DIAPH2: variants seen among roughly 807,000 people sequenced by gnomAD.
The protein encoded by DIAPH2 is protein diaphanous homolog 2.
DIAPH2 carries 35 observed loss-of-function variants against 92.7 expected under a neutral mutation model. That is an observed-to-expected ratio of 0.38 (90% CI 0.29 to 0.50). The LOEUF is 0.50. Among genes scored for constraint, DIAPH2 ranks in the 20% least tolerant of loss-of-function variants. The pLI, the probability that DIAPH2 is intolerant of heterozygous loss-of-function variation, is 0.94. For synonymous variants in DIAPH2, 301 were observed against 280.4 expected, an observed-to-expected ratio of 1.07 and a Z score of -0.73; for missense variants, 701 against 819.5, an observed-to-expected ratio of 0.86 and a Z score of 1.77.
intron 26 of DIAPH2, among the ~76,000 whole-genome samples, chrX:97,438,544 T>G (rs1255831630): frequency 9.3e-6 from 1 of 107,636 alleles, no homozygotes; most frequent in African/African-American, 3.4e-5. Context: ...TTTACTTATT[T>G]ATTTATTTTT....
At chrX:97,477,512 G>T (rs1042932178) in intron 26 of DIAPH2, among the ~76,000 whole-genome samples, 1 of 111,400 alleles carries the variant, frequency 9.0e-6, no homozygotes, top group Non-Finnish European at 1.9e-5. Flanking sequence ...GGCTGAGGCA[G>T]GAGAATGGCT....
chrX:96,922,246 A>G (rs906448932), intron 9 of DIAPH2, among the ~76,000 whole-genome samples: 3 of 111,140 alleles, frequency 2.7e-5, no homozygotes, highest in Admixed American at 1.9e-4. Context: ...AACTCCTTTT[A>G]TATTAAAACT....
At chrX:97,206,025 G>T (rs1281064100) in intron 22 of DIAPH2, among the ~76,000 whole-genome samples, 1 of 111,284 alleles carries the variant, frequency 9.0e-6, no homozygotes, top group African/African-American at 3.3e-5. Context: ...GAAGCTGTAA[G>T]CCATCATTCT....
At chrX:97,249,980 T>A (rs953853783) in intron 23 of DIAPH2, among the ~76,000 whole-genome samples, 1 of 110,227 alleles carries the variant, frequency 9.1e-6, no homozygotes, top group Admixed American at 9.7e-5. Context: ...GCCTGTAATC[T>A]CAGCTACTCG....
intron 22 of DIAPH2, among the ~76,000 whole-genome samples, chrX:97,146,063 T>C (rs1265390144): frequency 2.0e-5 from 2 of 102,486 alleles, no homozygotes; most frequent in South Asian, 4.8e-4. Context: ...ATACTTTTTG[T>C]ATTAGTCTGC....
At position 96,934,689 on chromosome X, in the gene DIAPH2, G is replaced by A. The variant is rs187147972; in HGVS notation, c.1090-2544G>A. ...GTATTTCATTTATATGGAATTTCAC[G>A]TCTGATAAATTTGCTTTAGTAATTT... On this transcript the variant is annotated intron_variant, in intron 10 of 26. Transcript: ENST00000324765. 7.7e-3 allele frequency among the ~76,000 whole-genome samples: 858 copies of A among 111,242 alleles called. 9 individuals are homozygous for A. The highest frequency in any genetic ancestry group is 0.027 in the African/African-American group (823 of 30,727).
intron 26 of DIAPH2, among the ~76,000 whole-genome samples, chrX:97,517,198 A>G (rs2070955461): frequency 8.9e-6 from 1 of 111,936 alleles, no homozygotes; most frequent in African/African-American, 3.2e-5. Flanking sequence ...TCACAGTAAC[A>G]TGGAAGAAAT....
At chrX:96,884,401 A>C in intron 5 of DIAPH2, 4 of 1,209,450 alleles carry the variant, frequency 3.3e-6, no homozygotes, top group East Asian at 3.0e-5. Flanking sequence ...GAGAGATGCA[A>C]CTCCTGCTAT....
chrX:97,099,090 C>A (rs1031711270), intron 19 of DIAPH2, among the ~76,000 whole-genome samples: 7 of 111,553 alleles, frequency 6.3e-5, no homozygotes, highest in Non-Finnish European at 5.6e-5. Context: ...TATTATTGTA[C>A]CTAAGCAAAT....
At chrX:96,828,661 CAA>C (rs1009339745) in intron 4 of DIAPH2, among the ~76,000 whole-genome samples, 1 of 111,943 alleles carries the variant, frequency 8.9e-6, no homozygotes, top group Non-Finnish European at 1.9e-5. Context: ...TAGTGTCTCA[CAA>C]AAGAGTTTAG....
chrX:97,411,202 A>T (rs1000201510), intron 25 of DIAPH2, among the ~76,000 whole-genome samples: 2 of 112,273 alleles, frequency 1.8e-5, no homozygotes, highest in African/African-American at 3.2e-5. Context: ...CTAACAGCAG[A>T]TCTCTCAGCA....
intron 26 of DIAPH2, among the ~76,000 whole-genome samples, chrX:97,451,573 T>C (rs1244791759): frequency 8.9e-6 from 1 of 111,898 alleles, no homozygotes; most frequent in African/African-American, 3.2e-5. Flanking sequence ...ATAAGTGCAA[T>C]GTTATTGGTT....
intron 1 of DIAPH2, among the ~76,000 whole-genome samples, chrX:96,730,836 A>C (rs1475191860): frequency 9.0e-6 from 1 of 111,171 alleles, no homozygotes; most frequent in East Asian, 2.8e-4. Context: ...TTGTGTGAGC[A>C]ACAAGGCTGT....
At chrX:97,544,770 G>A (rs1465250305) in intron 26 of DIAPH2, among the ~76,000 whole-genome samples, 1 of 111,752 alleles carries the variant, frequency 8.9e-6, no homozygotes, top group East Asian at 2.8e-4. Context: ...CTGAATCATT[G>A]GGTTAACATT....
chrX:97,143,334 C>G (rs2067221028), intron 22 of DIAPH2, among the ~76,000 whole-genome samples: 1 of 110,418 alleles, frequency 9.1e-6, no homozygotes, highest in Non-Finnish European at 1.9e-5. Flanking sequence ...TAAATTAGCT[C>G]ATTTTGTTGC....
chrX:96,930,559 T>C (rs966528391), intron 9 of DIAPH2, among the ~76,000 whole-genome samples, 174 bp from the exon 10 acceptor site: 18 of 111,943 alleles, frequency 1.6e-4, no homozygotes, highest in African/African-American at 5.8e-4. Context: ...ATTATACACT[T>C]TGTCGTTAAT....
At chrX:97,585,330 G>C (rs1388512736) in intron 26 of DIAPH2, among the ~76,000 whole-genome samples, 1 of 107,597 alleles carries the variant, frequency 9.3e-6, no homozygotes, top group African/African-American at 3.4e-5. Flanking sequence ...TGTTACATTG[G>C]GCTCTTTTAG....
Position 96,773,244 on chromosome X carries a change from C to CT in DIAPH2, c.447+14986_447+14987insT, listed in dbSNP as rs1556143662. On this transcript the variant is annotated intron_variant, in intron 4 of 26. Transcript: ENST00000324765. ...GTTACCGGCTGAATTGTTTCCCCCC[C>CT]CCTCCCGCCCTCCCCAAATTTGTAT... is the stretch of plus-strand genomic sequence containing the variant. Among the ~76,000 whole-genome samples the CT allele has an allele frequency of 1.0e-3, 89 of 86,495 alleles. 1 individual carries two copies. The highest frequency in any genetic ancestry group is 3.5e-3 in the African/African-American group (87 of 24,608). The allele number at this position is 86,495 out of a possible 115,157, so 75.1% of individuals were successfully genotyped here.
intron 22 of DIAPH2, among the ~76,000 whole-genome samples, chrX:97,222,421 C>A (rs2067933401): frequency 8.9e-6 from 1 of 111,854 alleles, no homozygotes; most frequent in African/African-American, 3.3e-5. Context: ...CCAGGCTGGC[C>A]TCAAATTCCT....
Sources: allele counts gnomAD v4.1 joint callset (sites outside exome capture counted in the v4.1 genomes callset), GRCh38; gene constraint gnomAD v4.1.1; transcripts MANE v1.5; gene names NCBI Gene and HGNC (gene_info 2026-07-23, HGNC 2026-07-21).